The following GPM6A variants were observed in gnomAD, a reference collection of about 807,000 sequenced individuals.
GPM6A encodes glycoprotein M6A, also known as neuronal membrane glycoprotein M6-a.
A neutral mutation model predicts 32.1 loss-of-function variants in GPM6A; 7 were observed. The ratio of observed to expected loss-of-function variants is 0.22; its 90% CI spans 0.12 to 0.41. GPM6A has a LOEUF of 0.41. Among genes scored for constraint, GPM6A ranks in the 10% least tolerant of loss-of-function variants. The probability of loss-of-function intolerance (pLI) is 1.00; values close to 1 mark genes in which losing one functional copy is unlikely to be tolerated. For synonymous variants in GPM6A, 130 were observed against 123.4 expected (o/e 1.05, Z -0.35); for missense variants, 235 against 347.2 (o/e 0.68, Z 2.57).
At chr4:175,922,265 C>T (rs192970916) in intron 1 of GPM6A, among the ~76,000 whole-genome samples, 4 of 152,324 alleles carry the variant, frequency 2.6e-5, no homozygotes, top group Admixed American at 1.3e-4. Flanking sequence ...TCTGTTAACA[C>T]ATAATGATAC....
intron 1 of GPM6A, among the ~76,000 whole-genome samples, chr4:175,777,310 C>T (rs184447271): frequency 3.9e-5 from 6 of 152,130 alleles, no homozygotes; most frequent in African/African-American, 9.6e-5. Flanking sequence ...AGCACTCAGC[C>T]TTTCAGAACC....
At chr4:175,889,791 T>C (rs1265475640) in intron 1 of GPM6A, among the ~76,000 whole-genome samples, 2 of 151,462 alleles carry the variant, frequency 1.3e-5, no homozygotes, top group East Asian at 1.9e-4. Context: ...CCAGCCTGGG[T>C]GACAGAGCGA....
chr4:175,951,269 T>A (rs572852455), intron 1 of GPM6A, among the ~76,000 whole-genome samples: 34 of 152,336 alleles, frequency 2.2e-4, no homozygotes, highest in Middle Eastern at 6.8e-3. Context: ...CATGTGAAAA[T>A]ACTACTTTTA....
chr4:175,676,937 A>AT (rs1315159605), intron 2 of GPM6A, among the ~76,000 whole-genome samples: 6 of 152,078 alleles, frequency 3.9e-5, no homozygotes, highest in Non-Finnish European at 7.4e-5. Flanking sequence ...CTATCCCATG[A>AT]TTTTTTTCCC....
intron 1 of GPM6A, among the ~76,000 whole-genome samples, chr4:175,931,656 ATG>A (rs1739041448): frequency 1.3e-5 from 2 of 150,432 alleles, no homozygotes; most frequent in Non-Finnish European, 2.9e-5. Context: ...TCTGACAGAC[ATG>A]TGTTAAAAAA....
upstream of GPM6A, chr4:175,813,094 A>C (rs773104573): frequency 2.2e-5 from 22 of 982,368 alleles, no homozygotes; most frequent in Non-Finnish European, 2.7e-5. Flanking sequence ...GGAGAAAACC[A>C]CTGGAAGGAA....
chr4:175,926,446 TTA>T (rs1433836317), intron 1 of GPM6A, among the ~76,000 whole-genome samples: 2 of 152,208 alleles, frequency 1.3e-5, no homozygotes, highest in Admixed American at 6.5e-5. Context: ...TCAATAGGGC[TTA>T]TGTTTTTCAC....
intron 1 of GPM6A, among the ~76,000 whole-genome samples, chr4:175,963,696 T>C (rs1579668952): frequency 6.6e-6 from 1 of 152,260 alleles, no homozygotes; most frequent in East Asian, 1.9e-4. Context: ...TGAAGAGCTT[T>C]AAAAAAGGAA....
chr4:175,717,405 C>A, intron 1 of GPM6A, among the ~76,000 whole-genome samples: 1 of 152,160 alleles, frequency 6.6e-6, no homozygotes, highest in Non-Finnish European at 1.5e-5. Context: ...AATATCCATT[C>A]AATTCCATAA....
chr4:175,875,514 CACAA>C (rs1442885682), intron 1 of GPM6A, among the ~76,000 whole-genome samples: 4 of 152,104 alleles, frequency 2.6e-5, no homozygotes, highest in African/African-American at 9.7e-5. Flanking sequence ...ACTTAAATGA[CACAA>C]ACAGTTTTAT....
At chr4:175,797,931 C>T (rs994291177) in intron 1 of GPM6A, among the ~76,000 whole-genome samples, 2 of 152,074 alleles carry the variant, frequency 1.3e-5, no homozygotes, top group Non-Finnish European at 2.9e-5. Context: ...ATCTACAAGA[C>T]TCTAAGTGTG....
At chr4:175,841,894 T>C (rs1337525008) in intron 1 of GPM6A, among the ~76,000 whole-genome samples, 2 of 152,182 alleles carry the variant, frequency 1.3e-5, no homozygotes, top group Admixed American at 1.3e-4. Context: ...TTTTCTAGTT[T>C]CCATAGCTGT....
At chr4:175,836,049 C>G (rs764036563) in intron 1 of GPM6A, among the ~76,000 whole-genome samples, 1 of 151,940 alleles carries the variant, frequency 6.6e-6, no homozygotes, top group Non-Finnish European at 1.5e-5. Flanking sequence ...AAATGTGGTC[C>G]TCAGCCTGGC....
At chr4:175,934,425 C>T (rs1739154894) in intron 1 of GPM6A, among the ~76,000 whole-genome samples, 1 of 152,160 alleles carries the variant, frequency 6.6e-6, no homozygotes, top group African/African-American at 2.4e-5. Context: ...AAATCATTTA[C>T]TTAAGTTATT....
intron 1 of GPM6A, among the ~76,000 whole-genome samples, chr4:175,710,729 G>A (rs1745480209): frequency 6.6e-6 from 1 of 152,042 alleles, no homozygotes; most frequent in Non-Finnish European, 1.5e-5. Flanking sequence ...ACTCACTCAA[G>A]GTATAAAAGA....
intron 1 of GPM6A, among the ~76,000 whole-genome samples, chr4:175,775,346 C>T (rs916598906): frequency 2.6e-5 from 4 of 152,148 alleles, no homozygotes; most frequent in African/African-American, 9.6e-5. Flanking sequence ...TGGGAAAGGA[C>T]AAAGTGTTTT....
intron 1 of GPM6A, chr4:175,962,524 A>G: frequency 3.9e-6 from 2 of 515,988 alleles, no homozygotes; most frequent in South Asian, 1.6e-5. Flanking sequence ...GTGACTGACT[A>G]TAAGAAAGGA....
At chr4:175,839,287 C>T (rs933408295) in intron 1 of GPM6A, among the ~76,000 whole-genome samples, 1 of 152,112 alleles carries the variant, frequency 6.6e-6, no homozygotes, top group Admixed American at 6.6e-5. Context: ...TGAACGAATT[C>T]CTTTGTCAAC....
intron 1 of GPM6A, among the ~76,000 whole-genome samples, chr4:175,795,610 G>A (rs1734189047): frequency 6.6e-6 from 1 of 152,008 alleles, no homozygotes; most frequent in African/African-American, 2.4e-5. Flanking sequence ...AAGTTAGCTG[G>A]GCATGGTGGG....
Sources: allele counts gnomAD v4.1 joint callset (sites outside exome capture counted in the v4.1 genomes callset), GRCh38; gene constraint gnomAD v4.1.1; transcripts MANE v1.5; gene names NCBI Gene and HGNC (gene_info 2026-07-23, HGNC 2026-07-21).